The following MAML2 variants were observed in gnomAD, a reference collection of about 807,000 sequenced individuals.
MAML2 encodes the protein mastermind-like protein 2.
A neutral mutation model predicts 96.1 loss-of-function variants in MAML2; 22 were observed. The observed-to-expected ratio is 0.23, with a 90% CI of 0.16 to 0.33. MAML2 has a LOEUF of 0.33. MAML2 is among the 10% of genes least tolerant of loss of function. MAML2 has a pLI of 1.00. For synonymous variants in MAML2, 561 were observed against 521.3 expected (o/e 1.08, Z -1.04); for missense variants, 1,367 against 1,392.4 (o/e 0.98, Z 0.29).
rs368538228 is a variant in MAML2, at chr11:96,221,295, T to C, written c.513+120088A>G. Among the ~76,000 whole-genome samples the C allele has an allele frequency of 1.5e-3, 233 of 152,256 alleles. 8 individuals carry two copies. The South Asian group carries it at 0.047, about 31-fold the overall frequency. On this transcript the variant is annotated intron_variant, in intron 1 of 4. Coordinates refer to ENST00000524717, the MANE Select transcript of MAML2 (RefSeq NM_032427.4). Reference sequence around the variant, plus strand: ...GACATGTTCCCAAGTTTCCACCTATTCACTTCTTGATTAATAACTTTAAAG... The same window carrying C: ...GACATGTTCCCAAGTTTCCACCTATCCACTTCTTGATTAATAACTTTAAAG...
chr11:96,027,386 C>G (rs1469710483), intron 2 of MAML2, among the ~76,000 whole-genome samples: 1 of 152,172 alleles, frequency 6.6e-6, no homozygotes, highest in East Asian at 1.9e-4. Context: ...TTCTCAAGAC[C>G]ACACAGTATG....
chr11:96,292,148 C>T (rs1863222493), intron 1 of MAML2, among the ~76,000 whole-genome samples: 1 of 152,184 alleles, frequency 6.6e-6, no homozygotes, highest in South Asian at 2.1e-4. Flanking sequence ...GGATAGAACT[C>T]AGCTAAGTTA....
At chr11:96,088,426 C>T (rs1372673186) in intron 2 of MAML2, among the ~76,000 whole-genome samples, 1 of 152,160 alleles carries the variant, frequency 6.6e-6, no homozygotes, top group East Asian at 1.9e-4. Context: ...GCACTTTTGG[C>T]TTAAACCCTC....
chr11:96,241,631 A>C (rs1862438904), intron 1 of MAML2, among the ~76,000 whole-genome samples: 1 of 152,240 alleles, frequency 6.6e-6, no homozygotes. Context: ...CTCTGTCAAC[A>C]TAACAGGTAT....
intron 1 of MAML2, among the ~76,000 whole-genome samples, chr11:96,126,902 A>G (rs1860447489): frequency 7.4e-6 from 1 of 135,022 alleles, no homozygotes; most frequent in Non-Finnish European, 1.6e-5. Flanking sequence ...TGTGGTATGG[A>G]CATGGGGGGG....
At chr11:96,006,555 T>C (rs1290884924) in intron 2 of MAML2, among the ~76,000 whole-genome samples, 1 of 139,816 alleles carries the variant, frequency 7.2e-6, no homozygotes, top group African/African-American at 2.7e-5. Context: ...GGAGTATCTT[T>C]TTTTTTTCTT....
At chr11:96,268,856 G>C (rs1427466644) in intron 1 of MAML2, among the ~76,000 whole-genome samples, 3 of 141,848 alleles carry the variant, frequency 2.1e-5, no homozygotes, top group Admixed American at 1.5e-4. Context: ...TCACTATGCA[G>C]AACTGTGAGT....
intron 1 of MAML2, among the ~76,000 whole-genome samples, chr11:96,099,089 T>C (rs1271793708): frequency 6.6e-6 from 1 of 152,140 alleles, no homozygotes; most frequent in Non-Finnish European, 1.5e-5. Flanking sequence ...GACTTCTGTC[T>C]TTCTCAACCA....
At chr11:96,053,173 A>AT (rs1260651854) in intron 2 of MAML2, among the ~76,000 whole-genome samples, 2 of 152,178 alleles carry the variant, frequency 1.3e-5, no homozygotes, top group African/African-American at 4.8e-5. Context: ...TCATGAGTTC[A>AT]TTTTTTTAGA....
intron 1 of MAML2, among the ~76,000 whole-genome samples, chr11:96,156,953 A>C (rs752949313): frequency 6.6e-6 from 1 of 152,170 alleles, no homozygotes; most frequent in Non-Finnish European, 1.5e-5. Context: ...GGACTCAGTA[A>C]CTGCAGTGGT....
intron 1 of MAML2, among the ~76,000 whole-genome samples, chr11:96,287,366 T>C (rs1403318870): frequency 1.3e-5 from 2 of 152,162 alleles, no homozygotes; most frequent in Non-Finnish European, 2.9e-5. Flanking sequence ...CTCTGGAGGA[T>C]GTACAGGGGA....
intron 1 of MAML2, among the ~76,000 whole-genome samples, chr11:96,290,252 C>T (rs1453730111): frequency 6.6e-6 from 1 of 152,182 alleles, no homozygotes; most frequent in Non-Finnish European, 1.5e-5. Context: ...TACAGTTACT[C>T]TTTCAATCCA....
At chr11:96,270,403 G>A (rs137935513) in intron 1 of MAML2, among the ~76,000 whole-genome samples, 16,883 of 152,070 alleles carry the variant, frequency 0.11, 1,141 homozygotes, top group Admixed American at 0.23. Context: ...TTTGCCTCCC[G>A]GGTTCAAGCA....
intron 1 of MAML2, among the ~76,000 whole-genome samples, chr11:96,338,658 C>T (rs1416751566): frequency 2.6e-5 from 4 of 152,200 alleles, no homozygotes; most frequent in African/African-American, 7.2e-5. Flanking sequence ...CACAGCACAT[C>T]TTTGATTTTA....
At chr11:96,066,370 C>T (rs1031231645) in intron 2 of MAML2, among the ~76,000 whole-genome samples, 7 of 152,292 alleles carry the variant, frequency 4.6e-5, no homozygotes, top group Admixed American at 6.5e-5. Flanking sequence ...GCTCCTGAAG[C>T]GGGAGAAGAT....
chr11:96,157,966 T>C lies in MAML2; in HGVS notation c.514-64449A>G, dbSNP rs59224161. 6.8e-3 allele frequency among the ~76,000 whole-genome samples: 1,042 copies of C among 152,370 alleles called. 17 individuals are homozygous for C. The highest frequency in any genetic ancestry group is 0.023 in the African/African-American group (950 of 41,580). On this transcript the variant is annotated intron_variant, in intron 1 of 4. Transcript: ENST00000524717. ...TTTCCAAGCTTCAAGGGGTGGTCTC[T>C]AATTCTTATATCCCTTTCCATTTTA...
chr11:96,292,289 C>G (rs1863224557), intron 1 of MAML2, among the ~76,000 whole-genome samples: 1 of 152,122 alleles, frequency 6.6e-6, no homozygotes, highest in Admixed American at 6.5e-5. Context: ...TTAAAAATAA[C>G]ACTTTGGATA....
chr11:95,990,005 C>T (rs1161264538), intron 3 of MAML2, among the ~76,000 whole-genome samples: 4 of 152,164 alleles, frequency 2.6e-5, no homozygotes, highest in African/African-American at 7.2e-5. Context: ...CCACCCTCCA[C>T]CTACAATAGT....
intron 1 of MAML2, among the ~76,000 whole-genome samples, chr11:96,211,335 A>C (rs1236831473): frequency 1.3e-5 from 2 of 152,174 alleles, no homozygotes; most frequent in Admixed American, 1.3e-4. Flanking sequence ...TTGAATGATA[A>C]ACAATATTCC....
Sources: allele counts gnomAD v4.1 joint callset (sites outside exome capture counted in the v4.1 genomes callset), GRCh38; gene constraint gnomAD v4.1.1; transcripts MANE v1.5; gene names NCBI Gene and HGNC (gene_info 2026-07-23, HGNC 2026-07-21).